WDR64: variants seen among roughly 807,000 people sequenced by gnomAD.
WDR64 encodes the protein WD repeat domain 64, also known as WD repeat-containing protein 64.
In WDR64, 112 loss-of-function variants were observed where a neutral mutation model predicts 139.3. The observed-to-expected ratio is 0.80, with a 90% CI of 0.69 to 0.94. WDR64 has a LOEUF of 0.94. WDR64 is among the 40% of genes least tolerant of loss of function. WDR64 has a pLI of 0.00. For missense variants in WDR64, 1,206 were observed against 1,293.1 expected (o/e 0.93, Z 1.03); for synonymous variants, 444 against 437.7 (o/e 1.01, Z -0.18).
intron 13 of WDR64, among the ~76,000 whole-genome samples, chr1:241,745,626 A>G (rs1669729167): frequency 6.9e-6 from 1 of 144,450 alleles, no homozygotes; most frequent in South Asian, 2.1e-4. Flanking sequence ...TATTGTGTTT[A>G]TTTATTTGGA....
intron 7 of WDR64, 134 bp downstream of exon 7, chr1:241,683,835 A>G (rs1239026854): frequency 7.2e-6 from 5 of 695,416 alleles, no homozygotes; most frequent in Non-Finnish European, 2.3e-6. Flanking sequence ...AAGTAATATA[A>G]ACAATTAATT....
At chr1:241,745,545 A>C (rs1669726438) in intron 13 of WDR64, among the ~76,000 whole-genome samples, 1 of 150,792 alleles carries the variant, frequency 6.6e-6, no homozygotes, top group Non-Finnish European at 1.5e-5. Context: ...TTACATTGTT[A>C]GTTCTAGAAC....
At position 241,652,477 on chromosome 1, in the gene WDR64, A is replaced by G. The variant is rs1171074027; in HGVS notation, c.-8A>G. ...TCTGTACAGAAGTAAAAGATCCCCT[A>G]TGTCCCTATGGATATCAGGAAGGAA... On this transcript the variant is annotated 5_prime_UTR_variant, in exon 1 of 28. An upstream start codon of the reference 5' UTR is lost. Coordinates refer to ENST00000437684, the MANE Select transcript of WDR64 (RefSeq NM_001367482.1). The G allele has an allele frequency of 1.9e-6, 3 of 1,551,560 alleles. No individual in the cohort carries two copies. Among genetic ancestry groups the G allele is most frequent in the East Asian group, 2.4e-5 (1 of 40,920 alleles).
intron 1 of WDR64, among the ~76,000 whole-genome samples, chr1:241,660,097 A>G (rs1665765089): frequency 6.6e-6 from 1 of 152,176 alleles, no homozygotes; most frequent in Non-Finnish European, 1.5e-5. Context: ...TGGTATAAGG[A>G]AGGGGTCCAG....
chr1:241,718,275 G>A (rs1206444864), intron 9 of WDR64, among the ~76,000 whole-genome samples: 1 of 152,160 alleles, frequency 6.6e-6, no homozygotes, highest in Non-Finnish European at 1.5e-5. Context: ...AAAGAAAGCT[G>A]AAGAAAGCAC....
rs373654417 is a variant in WDR64, at chr1:241,711,848, T to C, written c.1021T>C (p.Tyr341His). Residue 341 changes from tyrosine (Y) to histidine (H), a missense_variant, in exon 9 of 28, where the codon TAC (tyrosine) becomes CAC (histidine). By Grantham distance (83) the Tyr-to-His change is moderately conservative (BLOSUM62 2). Transcript: ENST00000437684. ...GCCAAGAGGAGCCAACACTTTTTGC[T>C]ACTGTGTTAAGGCAAATGTGATTGT... ...SMPRGANTFC[Y>H]CVKANVIVTG... 4.2e-5 allele frequency: 68 copies of C among 1,614,218 alleles called. No individual in the cohort carries two copies. Among genetic ancestry groups the C allele is most frequent in the South Asian group, 1.6e-4 (15 of 91,084 alleles).
intron 14 of WDR64, among the ~76,000 whole-genome samples, chr1:241,755,965 C>A (rs1670174070): frequency 1.3e-5 from 2 of 152,056 alleles, no homozygotes; most frequent in African/African-American, 4.8e-5. Context: ...GTTACTGTAG[C>A]CTTGTAGTAT....
chr1:241,740,996 G>A (rs1669519518), intron 11 of WDR64, among the ~76,000 whole-genome samples: 1 of 152,182 alleles, frequency 6.6e-6, no homozygotes, highest in South Asian at 2.1e-4. Context: ...TTATATTGAT[G>A]TTGCAAGCAC....
At chr1:241,711,427 G>A (rs12095196) in intron 8 of WDR64, among the ~76,000 whole-genome samples, 8,591 of 152,034 alleles carry the variant, frequency 0.057, 834 homozygotes, top group African/African-American at 0.2. Flanking sequence ...GAGCAAAGGA[G>A]AAGTGTCCAA....
At chr1:241,737,888 T>C (rs1192731828) in intron 10 of WDR64, among the ~76,000 whole-genome samples, 2 of 152,210 alleles carry the variant, frequency 1.3e-5, no homozygotes, top group Admixed American at 6.5e-5. Context: ...CTTACATATC[T>C]GGGCAAATGG....
chr1:241,731,088 A>G (rs1669060416), intron 10 of WDR64, among the ~76,000 whole-genome samples: 1 of 152,254 alleles, frequency 6.6e-6, no homozygotes, highest in Admixed American at 6.5e-5. Context: ...CTTTACAAAA[A>G]TATATGTGCA....
Position 241,671,119 on chromosome 1 carries a change from T to G in WDR64, c.322T>G (p.Leu108Val). 1.3e-6 allele frequency: 2 copies of G among 1,551,124 alleles called. No homozygotes were observed. Among genetic ancestry groups the G allele is most frequent in the Non-Finnish European group, 1.7e-6 (2 of 1,146,820 alleles). Reference sequence around the variant, plus strand: ...TGAAGAAGATCCTATTGCTTCCCAGTTGGATGAAGAAAATTTGGTTTTCTT... The same window carrying G: ...TGAAGAAGATCCTATTGCTTCCCAGGTGGATGAAGAAAATTTGGTTTTCTT... ...SSEEDPIASQ[L>V]DEENLVFFVS... The change falls in exon 3 of 28, where the codon TTG becomes GTG. Residue 108 changes from leucine to valine, a missense_variant. Leu to Val is a conservative substitution (Grantham distance 32). Transcript: ENST00000437684.
intron 16 of WDR64, 102 bp from the exon 17 acceptor site, chr1:241,769,302 C>T (rs1325933108): frequency 2.4e-6 from 2 of 842,336 alleles, no homozygotes; most frequent in South Asian, 1.8e-5. Context: ...ATAATATTAG[C>T]ATTTGAGGAA....
rs1035883766 is a variant in WDR64 at position 241,656,142 on chromosome 1, G to A, written c.145+3513G>A. Among the ~76,000 whole-genome samples the A allele has an allele frequency of 4.6e-5, 7 of 152,202 alleles. No individual in the cohort carries two copies. In the East Asian group the frequency reaches 7.7e-4, roughly 17 times the overall value. On this transcript the variant is annotated intron_variant, in intron 1 of 27. Transcript: ENST00000437684. The surrounding 1 kb of genome is among the most constrained non-coding windows in gnomAD (Gnocchi z 4.3). ...GACAAGTTACCTTCTATCACGGGGC[G>A]GCCTAAGAAAGAGTGAGGAGAAGGC... is the stretch of plus-strand genomic sequence containing the variant.
chr1:241,681,364 AT>A (rs1487697285), intron 6 of WDR64, among the ~76,000 whole-genome samples: 1 of 152,184 alleles, frequency 6.6e-6, no homozygotes, highest in Non-Finnish European at 1.5e-5. Context: ...GAGTGAGAAT[AT>A]ATGATGTTTG....
intron 2 of WDR64, among the ~76,000 whole-genome samples, chr1:241,669,394 A>T (rs1205573191): frequency 1.3e-5 from 2 of 152,224 alleles, no homozygotes; most frequent in Admixed American, 6.5e-5. Context: ...GATTGCAGTA[A>T]CAAAACCTTC....
Position 241,744,414 on chromosome 1 carries a change from C to G in WDR64, c.1492C>G (p.Leu498Val). 1 of 1,614,066 alleles carries G rather than the reference C, an allele frequency of 6.2e-7. No individual in the cohort carries two copies. Among genetic ancestry groups the G allele is most frequent in the South Asian group, 1.1e-5 (1 of 91,082 alleles). Residue 498 changes from leucine to valine, a missense_variant, in exon 13 of 28, where the codon CTC (leucine) becomes GTC (valine). Leu to Val is a conservative substitution (Grantham distance 32). Transcript: ENST00000437684. ...IIRVWELETG[L>V]QVYQILEPHG... ...ATAGGTATGGGAACTCGAGACTGGGCTCCAAGTATACCAGATTTTAGAACC... is the reference window on the plus strand; with the variant it reads ...ATAGGTATGGGAACTCGAGACTGGGGTCCAAGTATACCAGATTTTAGAACC...
chr1:241,762,382 T>C (rs1486960767), intron 15 of WDR64, among the ~76,000 whole-genome samples: 1 of 152,162 alleles, frequency 6.6e-6, no homozygotes, highest in African/African-American at 2.4e-5. Flanking sequence ...AAAGCTATTT[T>C]TGTGATATGC....
chr1:241,749,751 G>A (rs1669910366), intron 14 of WDR64, 29 bp downstream of exon 14: 3 of 1,558,204 alleles, frequency 1.9e-6, no homozygotes, highest in Non-Finnish European at 2.6e-6. Flanking sequence ...TACTCGTACT[G>A]CAGGTGCCCT....
Sources: gnomAD v4.1 joint callset for allele counts (sites outside exome capture counted in the v4.1 genomes callset) on GRCh38, gnomAD v4.1.1 for gene constraint, Gnocchi (gnomAD v3.1) non-coding constraint, MANE v1.5 for transcripts, NCBI Gene and HGNC (gene_info 2026-07-23, HGNC 2026-07-21) for gene names.